The following PVT1 variants were observed in gnomAD, a reference collection of about 807,000 sequenced individuals.
The protein encoded by PVT1 is CXCR4/PVT1 fusion.
At chr8:127,924,564 T>C (rs1042995447) in intron 3 of PVT1, among the ~76,000 whole-genome samples, 2 of 146,530 alleles carry the variant, frequency 1.4e-5, no homozygotes, top group Non-Finnish European at 3.0e-5. Context: ...CAGGCTGGAG[T>C]GCAGTGGCTC....
chr8:128,087,273 A>G (rs913460437), intron 5 of PVT1, among the ~76,000 whole-genome samples: 12 of 152,176 alleles, frequency 7.9e-5, no homozygotes, highest in African/African-American at 2.9e-4. Flanking sequence ...TCCCAGTGAG[A>G]GCCTCCATGA....
rs115408291 is a variant in PVT1 at position 127,818,811 on chromosome 8, G to A, written n.372+22740G>A. The stretch of plus-strand genomic sequence containing the variant: ...TACCTTGTTGTGAGAGTAGAATGAC[G>A]TGCATGTAGAGCTTTCCCAGAGCTG... On this transcript the variant is annotated intron_variant and non_coding_transcript_variant, in intron 2 of 10. Coordinates refer to ENST00000651587, the Ensembl canonical transcript of PVT1. Among the ~76,000 whole-genome samples the A allele has an allele frequency of 7.3e-3, 1,118 of 152,230 alleles. 11 individuals are homozygous for A. Among genetic ancestry groups the A allele is most frequent in the African/African-American group, 0.024 (1,004 of 41,520 alleles).
intron 2 of PVT1, among the ~76,000 whole-genome samples, chr8:127,797,882 C>T (rs1814415554): frequency 6.6e-6 from 1 of 152,144 alleles, no homozygotes; most frequent in African/African-American, 2.4e-5. Context: ...GAGGAACCCA[C>T]AGCCCAGAGA....
chr8:127,899,817 T>C (rs905597189), intron 3 of PVT1, among the ~76,000 whole-genome samples: 5 of 152,190 alleles, frequency 3.3e-5, no homozygotes, highest in African/African-American at 1.2e-4. Flanking sequence ...TCCTTGGCTT[T>C]CCACTGTCTT....
chr8:127,837,386 T>G (rs1047598025), intron 2 of PVT1, among the ~76,000 whole-genome samples: 1 of 108,814 alleles, frequency 9.2e-6, no homozygotes, highest in Non-Finnish European at 1.9e-5. Context: ...TGAAGCGTTT[T>G]TTGTTGTTGT....
intron 3 of PVT1, among the ~76,000 whole-genome samples, chr8:127,974,470 A>G (rs1816800744): frequency 6.6e-6 from 1 of 152,174 alleles, no homozygotes; most frequent in South Asian, 2.1e-4. Flanking sequence ...GCTGGAGGGC[A>G]GTGGCACAAT....
intron 4 of PVT1, among the ~76,000 whole-genome samples, chr8:128,039,809 G>T (rs1026170559): frequency 6.6e-6 from 1 of 152,152 alleles, no homozygotes; most frequent in Non-Finnish European, 1.5e-5. Context: ...GTAATCCAGG[G>T]TATTGCAGTA....
intron 3 of PVT1, among the ~76,000 whole-genome samples, chr8:127,943,445 G>A (rs533182911): frequency 9.8e-5 from 15 of 152,296 alleles, no homozygotes; most frequent in African/African-American, 3.6e-4. Context: ...TGAAGAAATT[G>A]CAAAGACATA....
intron 2 of PVT1, among the ~76,000 whole-genome samples, chr8:127,887,528 T>C (rs1357348643): frequency 6.6e-6 from 1 of 152,200 alleles, no homozygotes; most frequent in African/African-American, 2.4e-5. Flanking sequence ...TTTATTTTAT[T>C]TTATTTTTTA....
intron 3 of PVT1, among the ~76,000 whole-genome samples, chr8:127,918,295 G>A (rs1338655541): frequency 1.3e-5 from 2 of 152,144 alleles, no homozygotes; most frequent in East Asian, 1.9e-4. Flanking sequence ...ACTGTGTATC[G>A]GCCCATGCAG....
At chr8:127,797,224 G>T (rs761299466) in intron 2 of PVT1, among the ~76,000 whole-genome samples, 1 of 152,168 alleles carries the variant, frequency 6.6e-6, no homozygotes, top group Non-Finnish European at 1.5e-5. Context: ...TAGAGACGGA[G>T]TTTCTCCAGA....
intron 5 of PVT1, among the ~76,000 whole-genome samples, chr8:128,073,065 C>A (rs1221240787): frequency 6.6e-6 from 1 of 152,030 alleles, no homozygotes; most frequent in Non-Finnish European, 1.5e-5. Context: ...AACTCCTGAC[C>A]TCGAGTGATC....
At chr8:127,889,031 TCTTTCTTTCTTCCTTCCTTC>T (rs1267587201) in intron 2 of PVT1, among the ~76,000 whole-genome samples, 7 of 60,970 alleles carry the variant, frequency 1.1e-4, no homozygotes, top group African/African-American at 3.2e-4. Flanking sequence ...TTCCTTTCTC[TCTTTCTTTCTTCCTTCCTTC>T]CTTCCTTCCT....
intron 3 of PVT1, chr8:127,940,200 T>A (rs572685319): frequency 6.6e-6 from 1 of 152,346 alleles, no homozygotes; most frequent in African/African-American, 2.4e-5. Context: ...CGAGCCACAT[T>A]TTTATTGCCA....
chr8:128,099,814 C>T (rs1296095536), intron 6 of PVT1: 5 of 147,988 alleles, frequency 3.4e-5, no homozygotes, highest in Admixed American at 3.3e-4. Context: ...AAAACTGTAT[C>T]ATAAACATCT....
At chr8:128,097,458 C>T (rs775427876) in intron 6 of PVT1, among the ~76,000 whole-genome samples, 18 of 152,150 alleles carry the variant, frequency 1.2e-4, no homozygotes, top group Non-Finnish European at 1.9e-4. Context: ...TTTTATGTCA[C>T]TAAAGGGTTG....
chr8:128,035,544 G>A (rs1284632662), intron 4 of PVT1, among the ~76,000 whole-genome samples: 1 of 152,198 alleles, frequency 6.6e-6, no homozygotes, highest in Non-Finnish European at 1.5e-5. Flanking sequence ...AGACAGTGCA[G>A]GGTACAGACA....
In PVT1 at chr8:127,962,349, G is replaced by A. The variant is rs73707148; in HGVS notation, n.783-26813G>A. Among the ~76,000 whole-genome samples the A allele has an allele frequency of 9.3e-3, 1,417 of 152,296 alleles. 30 individuals are homozygous for A. Among genetic ancestry groups the A allele is most frequent in the African/African-American group, 0.032 (1,336 of 41,556 alleles). ...GGTTGTTGTTGTACACATGATCATCGGTGGCACTGCTTTGCAGCCTAATGG... is the reference window on the plus strand; with the variant it reads ...GGTTGTTGTTGTACACATGATCATCAGTGGCACTGCTTTGCAGCCTAATGG... On this transcript the variant is annotated intron_variant and non_coding_transcript_variant, in intron 3 of 10. Coordinates refer to ENST00000651587, the Ensembl canonical transcript of PVT1.
intron 4 of PVT1, among the ~76,000 whole-genome samples, chr8:128,062,865 G>A (rs1813848879): frequency 6.6e-6 from 1 of 152,144 alleles, no homozygotes. Flanking sequence ...CATCCCTCCT[G>A]TGTTTAAAGC....
Sources: gnomAD v4.1 joint callset for allele counts (sites outside exome capture counted in the v4.1 genomes callset) on GRCh38, gnomAD v4.1.1 for gene constraint, MANE v1.5 for transcripts, NCBI Gene and HGNC (gene_info 2026-07-23, HGNC 2026-07-21) for gene names.